ITSN2: variants seen among roughly 807,000 people sequenced by gnomAD.
ITSN2 encodes intersectin 2, also known as intersectin-2.
Under a neutral mutation model 243.7 loss-of-function variants are expected in ITSN2, and 156 were observed. That is an observed-to-expected ratio of 0.64 (90% CI 0.56 to 0.73). ITSN2 has a LOEUF of 0.73. Among genes scored for constraint, ITSN2 ranks in the 30% least tolerant of loss-of-function variants. The pLI, the probability that ITSN2 is intolerant of heterozygous loss-of-function variation, is 0.00. For missense variants in ITSN2, 1,801 were observed against 1,996.1 expected (o/e 0.90, Z 1.86); for synonymous variants, 703 against 699.9 (o/e 1.00, Z -0.07).
At chr2:24,218,924 C>T (rs1054055983) in intron 30 of ITSN2, among the ~76,000 whole-genome samples, 1 of 152,234 alleles carries the variant, frequency 6.6e-6, no homozygotes, top group African/African-American at 2.4e-5. Context: ...ACTCAAAGCT[C>T]TCCACTGTCC....
chr2:24,314,327 A>T (rs930561958), intron 3 of ITSN2, among the ~76,000 whole-genome samples: 5 of 152,230 alleles, frequency 3.3e-5, no homozygotes, highest in African/African-American at 1.2e-4. Flanking sequence ...GATACCAGGT[A>T]AGGTAATTAC....
At chr2:24,207,762 A>G (rs1323724686) in intron 37 of ITSN2, among the ~76,000 whole-genome samples, 1 of 150,994 alleles carries the variant, frequency 6.6e-6, no homozygotes, top group Non-Finnish European at 1.5e-5. Flanking sequence ...GAGAAGGGGG[A>G]GGAGGCAGGG....
chr2:24,316,862 G>T (rs1317290125), intron 2 of ITSN2, among the ~76,000 whole-genome samples: 1 of 152,146 alleles, frequency 6.6e-6, no homozygotes, highest in Non-Finnish European at 1.5e-5. Context: ...GCCCATCGGA[G>T]CCTCTAGCAA....
In ITSN2 at chr2:24,248,820, A is replaced by G. The variant is rs1673739567; in HGVS notation, c.3166+17T>C. On this transcript the variant is annotated intron_variant, in intron 26 of 39. Coordinates refer to ENST00000355123, the MANE Select transcript of ITSN2 (RefSeq NM_006277.3). The stretch of plus-strand genomic sequence containing the variant: ...GCAAACACGTTAGTAATTTTTTAAG[A>G]TCACTACTATACGTACCAGGTTTTT... 1.2e-6 allele frequency: 2 copies of G among 1,613,548 alleles called. No homozygotes were observed. The highest frequency in any genetic ancestry group is 8.5e-7 in the Non-Finnish European group (1 of 1,179,710).
chr2:24,359,407 C>G (rs1174273141), intron 1 of ITSN2, among the ~76,000 whole-genome samples: 1 of 152,214 alleles, frequency 6.6e-6, no homozygotes, highest in Non-Finnish European at 1.5e-5. Flanking sequence ...CAAGTCATTT[C>G]TATGCTAACC....
In ITSN2 at chr2:24,322,878, A is replaced by C. The variant is rs184212422; in HGVS notation, c.31+5174T>G. On this transcript the variant is annotated intron_variant, in intron 2 of 39. Coordinates refer to ENST00000355123, the MANE Select transcript of ITSN2 (RefSeq NM_006277.3). The stretch of plus-strand genomic sequence containing the variant: ...CTATTCAACTCAAAAATTAGAAAAT[A>C]ATCCCCCCCCTCAAAAAAAAGGAAC... Among the ~76,000 whole-genome samples, 396 of 152,168 alleles carry C rather than the reference A, an allele frequency of 2.6e-3. 3 individuals carry two copies. Among genetic ancestry groups the C allele is most frequent in the African/African-American group, 9.2e-3 (381 of 41,520 alleles).
intron 14 of ITSN2, among the ~76,000 whole-genome samples, chr2:24,295,066 G>A (rs1430246324): frequency 3.9e-5 from 6 of 152,138 alleles, no homozygotes; most frequent in African/African-American, 9.7e-5. Context: ...GTCTAAGGTC[G>A]TTTGTTATAG....
At chr2:24,212,613 CCTAA>C in intron 33 of ITSN2, 33 bp downstream of exon 33, 1 of 1,533,510 alleles carries the variant, frequency 6.5e-7, no homozygotes, top group African/African-American at 1.4e-5. Flanking sequence ...GCATCCTGCT[CCTAA>C]CTCAGACCCC....
Position 24,293,720 on chromosome 2 carries a change from C to T in ITSN2, c.1691G>A (p.Arg564Lys). ...GTTACTGAACTGCATGTTTTTAATT[C>T]TTTCATTTAATAATTGCTTCTCAGG... ...LVPEKQLLNE[R>K]IKNMQFSNTP... The change falls in exon 15 of 40, where the codon AGA becomes AAA. Residue 564 changes from arginine to lysine, a missense_variant. By Grantham distance (26) the Arg-to-Lys change is conservative. Around this residue, in one of 5 missense-constraint regions of ITSN2, gnomAD observed 787 missense variants for 803.9 expected, o/e 0.98. Transcript: ENST00000355123. 2.4e-6 allele frequency: 3 copies of T among 1,272,740 alleles called. No individual in the cohort carries two copies. Among genetic ancestry groups the T allele is most frequent in the Non-Finnish European group, 3.3e-6 (3 of 910,142 alleles). 78.8% of individuals were successfully genotyped at this position (1,272,740 alleles called of 1,614,324 possible).
At chr2:24,221,214 G>T in intron 29 of ITSN2, 148 bp from the exon 30 acceptor site, 1 of 760,186 alleles carries the variant, frequency 1.3e-6, no homozygotes, top group Non-Finnish European at 2.1e-6. Context: ...CTGCAGAGCA[G>T]CATGCGTACG....
Position 24,204,194 on chromosome 2 carries a change from G to C in ITSN2, c.4936+51C>G. The C allele has an allele frequency of 1.3e-6, 2 of 1,587,574 alleles. No homozygotes were observed. Among genetic ancestry groups the C allele is most frequent in the Non-Finnish European group, 1.7e-6 (2 of 1,158,204 alleles). On this transcript the variant is annotated intron_variant, in intron 39 of 39. Coordinates refer to ENST00000355123, the MANE Select transcript of ITSN2 (RefSeq NM_006277.3). This position sits in a 1 kb window ranked among gnomAD's most constrained non-coding sequence, Gnocchi z 5.1. ...TGAAGCCCCTAGATCTGGACTCCAG[G>C]ATCTAGGAAACTGGGAAAGCCTTTA...
At chr2:24,212,498 T>C (rs2151108015) in intron 33 of ITSN2, 152 bp downstream of exon 33, 1 of 581,484 alleles carries the variant, frequency 1.7e-6, no homozygotes, top group Non-Finnish European at 3.0e-6. Flanking sequence ...CACACAGGCA[T>C]CTGGTCCCCG....
intron 37 of ITSN2, chr2:24,206,214 C>A (rs78609930): frequency 1.3e-5 from 5 of 397,886 alleles, no homozygotes; most frequent in Middle Eastern, 3.6e-4. Flanking sequence ...TAAAATAACA[C>A]TAAATTAGCA....
At chr2:24,316,959 C>T (rs1203506049) in intron 2 of ITSN2, among the ~76,000 whole-genome samples, 2 of 152,204 alleles carry the variant, frequency 1.3e-5, no homozygotes, top group East Asian at 3.8e-4. Context: ...CTGATAGTCC[C>T]ATTTTGGGGA....
At chr2:24,294,386 A>T (rs781128409) in intron 14 of ITSN2, among the ~76,000 whole-genome samples, 2 of 152,236 alleles carry the variant, frequency 1.3e-5, no homozygotes, top group Non-Finnish European at 2.9e-5. Context: ...AGGTCATGCC[A>T]CTGCACTCCA....
At chr2:24,273,163 T>TA (rs1677586578) in intron 18 of ITSN2, among the ~76,000 whole-genome samples, 1 of 152,224 alleles carries the variant, frequency 6.6e-6, no homozygotes. Context: ...TGTAGGCCCT[T>TA]AGTCATCAAT....
chr2:24,306,258 G>A (rs760836191), intron 8 of ITSN2, among the ~76,000 whole-genome samples: 1 of 152,150 alleles, frequency 6.6e-6, no homozygotes, highest in Non-Finnish European at 1.5e-5. Context: ...GGAATTACAG[G>A]TGTGAGCCAC....
At position 24,208,411 on chromosome 2, in the gene ITSN2, T is replaced by C. The variant is rs1020364267; in HGVS notation, c.4596-92A>G. 4 of 930,336 alleles carry C rather than the reference T, an allele frequency of 4.3e-6. No individual in the cohort carries two copies. The African/African-American group carries it at 4.9e-5, about 11-fold the overall frequency. 57.6% of individuals were successfully genotyped at this position (930,336 alleles called of 1,614,324 possible). A position where few individuals can be genotyped will look rare whatever the true frequency, so the allele number is the denominator to read the frequency against. ...GCTCTGCACATGTTCTTCAGTCTTT[T>C]GCTAACCTCAACTTTCACAAGTTTC... On this transcript the variant is annotated intron_variant, in intron 36 of 39. Transcript: ENST00000355123.
chr2:24,286,465 A>G (rs1679525069), intron 15 of ITSN2, 114 bp from the exon 16 acceptor site: 1 of 812,386 alleles, frequency 1.2e-6, no homozygotes, highest in Admixed American at 2.3e-5. Context: ...AAGGATGTAT[A>G]CACAATGCAG....
Sources: allele counts gnomAD v4.1 joint callset (sites outside exome capture counted in the v4.1 genomes callset), GRCh38; gene constraint gnomAD v4.1.1; regional missense constraint gnomAD v4.1.1; non-coding constraint Gnocchi (gnomAD v3.1); transcripts MANE v1.5; gene names NCBI Gene and HGNC (gene_info 2026-07-23, HGNC 2026-07-21).